The following ATP10B variants were observed in gnomAD, a reference collection of about 807,000 sequenced individuals.
The protein encoded by ATP10B is phospholipid-transporting ATPase VB.
A neutral mutation model predicts 141.2 loss-of-function variants in ATP10B; 122 were observed. That is an observed-to-expected ratio of 0.86 (90% CI 0.75 to 1.00). The LOEUF is 1.00. Among genes scored for constraint, ATP10B ranks in the 50% least tolerant of loss-of-function variants. The probability of loss-of-function intolerance (pLI) is 0.00; values close to 1 mark genes in which losing one functional copy is unlikely to be tolerated. For missense variants in ATP10B, 1,876 were observed against 1,825.3 expected (o/e 1.03, Z -0.51); for synonymous variants, 685 against 692.0 (o/e 0.99, Z 0.16).
the ATP10B span, among the ~76,000 whole-genome samples, chr5:160,868,047 T>C: frequency 6.6e-6 from 1 of 152,046 alleles, no homozygotes; most frequent in African/African-American, 2.4e-5. Context: ...CTGAGCAACA[T>C]AGTGTCACAG....
the ATP10B span, among the ~76,000 whole-genome samples, chr5:160,903,083 T>G: frequency 6.6e-6 from 1 of 152,206 alleles, no homozygotes; most frequent in Non-Finnish European, 1.5e-5. Context: ...AATGGCTATT[T>G]ATTACTAGCC....
chr5:160,739,307 A>G lies in ATP10B; in HGVS notation c.-330-22273T>C, dbSNP rs185385218. On this transcript the variant is annotated intron_variant, in intron 2 of 25. Transcript: ENST00000327245. ...TGTCTACTCTCGGAATTTTTATTCAACATTAGATTAGGGTAGCCAGGCAGT... is the reference window on the plus strand; with the variant it reads ...TGTCTACTCTCGGAATTTTTATTCAGCATTAGATTAGGGTAGCCAGGCAGT... 3.4e-3 allele frequency among the ~76,000 whole-genome samples: 521 copies of G among 152,340 alleles called. 3 individuals are homozygous for G. Among genetic ancestry groups the G allele is most frequent in the Non-Finnish European group, 5.3e-3 (358 of 68,030 alleles).
At chr5:160,635,215 G>T (rs1759272459) in intron 11 of ATP10B, among the ~76,000 whole-genome samples, 1 of 152,196 alleles carries the variant, frequency 6.6e-6, no homozygotes, top group Admixed American at 6.5e-5. Flanking sequence ...GAGATATGAG[G>T]AAGTCAGGGT....
chr5:160,643,240 C>T (rs549069032), intron 9 of ATP10B, among the ~76,000 whole-genome samples: 2 of 152,280 alleles, frequency 1.3e-5, no homozygotes, highest in African/African-American at 2.4e-5. Context: ...TATTTAAATG[C>T]TTTTCTATGT....
chr5:160,723,925 A>G lies in ATP10B; in HGVS notation c.-330-6891T>C, dbSNP rs1408503965. Among the ~76,000 whole-genome samples, 3 of 152,242 alleles carry G rather than the reference A, an allele frequency of 2.0e-5. 1 individual carries two copies. The highest frequency in any genetic ancestry group is 4.4e-5 in the Non-Finnish European group (3 of 68,042). ...ACTGGATAAAGAAAATATGGTACATATACACCATGGAATACTGTGCAGCCA... is the reference window on the plus strand; with the variant it reads ...ACTGGATAAAGAAAATATGGTACATGTACACCATGGAATACTGTGCAGCCA... On this transcript the variant is annotated intron_variant, in intron 2 of 25. Transcript: ENST00000327245.
chr5:160,592,329 G>A (rs1756364497), intron 22 of ATP10B, among the ~76,000 whole-genome samples: 1 of 152,186 alleles, frequency 6.6e-6, no homozygotes, highest in Non-Finnish European at 1.5e-5. Context: ...CTCAGAGCCT[G>A]GAGGGGATGG....
intron 2 of ATP10B, among the ~76,000 whole-genome samples, chr5:160,764,112 G>A (rs1459520297): frequency 6.6e-6 from 1 of 152,084 alleles, no homozygotes; most frequent in African/African-American, 2.4e-5. Context: ...ATTCACAGCT[G>A]AATTCTATCA....
the ATP10B span, among the ~76,000 whole-genome samples, chr5:160,914,173 T>C: frequency 6.6e-6 from 1 of 152,238 alleles, no homozygotes; most frequent in Admixed American, 6.5e-5. Flanking sequence ...CAGGTTTTTT[T>C]ATGTTTTGCC....
the ATP10B span, among the ~76,000 whole-genome samples, chr5:160,886,810 A>G: frequency 5.4e-4 from 82 of 152,342 alleles, no homozygotes; most frequent in African/African-American, 1.9e-3. Context: ...AACGAACCAT[A>G]TAAGATAGAG....
chr5:160,653,681 CATATATACAT>C (rs1761177542), intron 7 of ATP10B, among the ~76,000 whole-genome samples: 1 of 30,466 alleles, frequency 3.3e-5, no homozygotes, highest in Non-Finnish European at 7.9e-5. Context: ...ATTATATATA[CATATATACAT>C]ATATACATAT....
At chr5:160,603,245 G>A (rs1245558263) in intron 20 of ATP10B, 1 of 154,958 alleles carries the variant, frequency 6.5e-6, no homozygotes, top group Non-Finnish European at 1.4e-5. Context: ...ATAAGTCCTG[G>A]TATAAACTTT....
intron 2 of ATP10B, among the ~76,000 whole-genome samples, chr5:160,720,612 T>G (rs10476332): frequency 0.86 from 131,132 of 152,262 alleles, 56,610 homozygotes; most frequent in East Asian, 0.9. Context: ...GCGATGACTA[T>G]CTTCTTATTT....
chr5:160,714,955 G>C (rs1486960349), intron 3 of ATP10B, among the ~76,000 whole-genome samples: 1 of 123,530 alleles, frequency 8.1e-6, no homozygotes, highest in East Asian at 2.2e-4. Context: ...ACCCACTTGA[G>C]GAGGCAGTCT....
intron 2 of ATP10B, among the ~76,000 whole-genome samples, chr5:160,767,645 C>CCCT (rs1021666988): frequency 2.2e-5 from 3 of 134,186 alleles, no homozygotes; most frequent in African/African-American, 7.7e-5. Context: ...ACCCCCCCCC[C>CCCT]CAAAATAACA....
In ATP10B at chr5:160,818,845, G is replaced by T. The variant is rs1422594033; in HGVS notation, c.-575-33042C>A. Among the ~76,000 whole-genome samples, 7 of 152,142 alleles carry T rather than the reference G, an allele frequency of 4.6e-5. No individual in the cohort carries two copies. The South Asian group carries it at 1.0e-3, about 23-fold the overall frequency. On this transcript the variant is annotated intron_variant, in intron 1 of 25. Coordinates refer to ENST00000327245, the MANE Select transcript of ATP10B (RefSeq NM_025153.3). ...TAAAAAATGATGAGTTCATGTCCTT[G>T]GTAGGGACATGGATGAAGCTGGAAA... is the stretch of plus-strand genomic sequence containing the variant.
chr5:160,600,238 G>A (rs1278790919), intron 21 of ATP10B, among the ~76,000 whole-genome samples: 2 of 152,154 alleles, frequency 1.3e-5, no homozygotes, highest in Non-Finnish European at 2.9e-5. Flanking sequence ...CCACTCTACA[G>A]ATGAAGAATC....
chr5:160,679,610 G>A (rs142192049), intron 6 of ATP10B, among the ~76,000 whole-genome samples: 1 of 152,230 alleles, frequency 6.6e-6, no homozygotes, highest in Non-Finnish European at 1.5e-5. Flanking sequence ...ACCGAAGCAC[G>A]TGGGACATTG....
chr5:160,826,513 T>A (rs1408814907), intron 1 of ATP10B, among the ~76,000 whole-genome samples: 1 of 152,200 alleles, frequency 6.6e-6, no homozygotes, highest in Admixed American at 6.5e-5. Flanking sequence ...ACTGTACAAA[T>A]TGATTGTAAA....
Position 160,649,242 on chromosome 5 carries a change from T to C in ATP10B, c.690A>G (p.Glu230=). Residue 230 remains glutamate, a synonymous_variant, in exon 8 of 26, where the codon GAA becomes GAG. Coordinates refer to ENST00000327245, the MANE Select transcript of ATP10B (RefSeq NM_025153.3). ...CGATGGTATTGTGGAAAAGCTCTGG[T>C]TCGAACTGTACCTCCTGTGAGAGAG... ...KGFSQQEVQF[E]PELFHNTIVC... 6.2e-7 allele frequency: 1 copy of C among 1,613,864 alleles called. No homozygotes were observed. The highest frequency in any genetic ancestry group is 8.5e-7 in the Non-Finnish European group (1 of 1,179,810).
Sources: allele counts gnomAD v4.1 joint callset (sites outside exome capture counted in the v4.1 genomes callset), GRCh38; gene constraint gnomAD v4.1.1; transcripts MANE v1.5; gene names NCBI Gene and HGNC (gene_info 2026-07-23, HGNC 2026-07-21).